COL11A1: variants seen among roughly 807,000 people sequenced by gnomAD.
COL11A1 encodes collagen alpha-1(XI) chain.
A neutral mutation model predicts 265.2 loss-of-function variants in COL11A1; 74 were observed. The observed-to-expected ratio is 0.28, with a 90% CI of 0.23 to 0.34. COL11A1 has a LOEUF of 0.34. Among genes scored for constraint, COL11A1 ranks in the 10% least tolerant of loss-of-function variants. The probability of loss-of-function intolerance (pLI) is 1.00; values close to 1 mark genes in which losing one functional copy is unlikely to be tolerated. For missense variants in COL11A1, 2,165 were observed against 2,263.6 expected (o/e 0.96, Z 0.88); for synonymous variants, 816 against 727.6 (o/e 1.12, Z -1.96).
chr1:102,957,800 T>G (rs1164880959), intron 41 of COL11A1, among the ~76,000 whole-genome samples: 1 of 152,044 alleles, frequency 6.6e-6, no homozygotes, highest in Admixed American at 6.6e-5. Flanking sequence ...GCTCTATACT[T>G]CTTCAAGCCT....
At chr1:102,882,305 C>A (rs1553192165) in intron 64 of COL11A1, among the ~76,000 whole-genome samples, 15 of 152,108 alleles carry the variant, frequency 9.9e-5, no homozygotes, top group Non-Finnish European at 1.5e-5. Flanking sequence ...TGAAGAACAG[C>A]AAAGGGTATA....
intron 4 of COL11A1, among the ~76,000 whole-genome samples, chr1:103,045,701 T>C (rs139640484): frequency 0.011 from 1,616 of 152,206 alleles, 28 homozygotes; most frequent in African/African-American, 0.037. Flanking sequence ...GTGTGCCATA[T>C]TGGTGTGCTG....
In COL11A1 at chr1:102,948,923, A is replaced by G. The variant is rs144242242; in HGVS notation, c.3169-1967T>C. Among the ~76,000 whole-genome samples, 43 of 152,150 alleles carry G rather than the reference A, an allele frequency of 2.8e-4. 1 individual carries two copies. Among genetic ancestry groups the G allele is most frequent in the African/African-American group, 1.0e-3 (42 of 41,566 alleles). On this transcript the variant is annotated intron_variant, in intron 41 of 66. Coordinates refer to ENST00000370096, the MANE Select transcript of COL11A1 (RefSeq NM_001854.4). ...AAAATGAGCAACCCTAAGAGTAAAA[A>G]GAACACAAATATTTGCCTCTAATTC...
intron 28 of COL11A1, among the ~76,000 whole-genome samples, chr1:102,993,224 G>A (rs150492872): frequency 6.6e-4 from 101 of 152,014 alleles, no homozygotes; most frequent in African/African-American, 1.6e-3. Flanking sequence ...ATTATTTTTC[G>A]TATAGGCAAC....
At chr1:103,102,404 C>T (rs965112812) in intron 1 of COL11A1, among the ~76,000 whole-genome samples, 3 of 151,910 alleles carry the variant, frequency 2.0e-5, no homozygotes, top group Non-Finnish European at 2.9e-5. Flanking sequence ...ATAACATCAG[C>T]GTTTATCTCT....
At chr1:103,061,478 G>C (rs536358769) in intron 4 of COL11A1, among the ~76,000 whole-genome samples, 2 of 151,966 alleles carry the variant, frequency 1.3e-5, no homozygotes, top group African/African-American at 4.8e-5. Context: ...CATTCCTCAA[G>C]ATATACTACA....
At chr1:103,027,672 A>G (rs890157671) in intron 5 of COL11A1, among the ~76,000 whole-genome samples, 1 of 151,902 alleles carries the variant, frequency 6.6e-6, no homozygotes, top group Admixed American at 6.6e-5. Context: ...ATGTTTTAGA[A>G]AATTGTGATC....
At chr1:103,049,671 G>C (rs561476443) in intron 4 of COL11A1, among the ~76,000 whole-genome samples, 1 of 152,292 alleles carries the variant, frequency 6.6e-6, no homozygotes, top group East Asian at 1.9e-4. Flanking sequence ...TTGCTCATTA[G>C]TTGATGCAGT....
intron 46 of COL11A1, among the ~76,000 whole-genome samples, chr1:102,926,160 A>G (rs559549657): frequency 1.3e-5 from 2 of 152,286 alleles, no homozygotes; most frequent in South Asian, 4.1e-4. Flanking sequence ...TGGAGACACA[A>G]TGAGTCAAAA....
At chr1:103,098,039 G>T (rs1317965546) in intron 1 of COL11A1, among the ~76,000 whole-genome samples, 1 of 151,874 alleles carries the variant, frequency 6.6e-6, no homozygotes, top group Non-Finnish European at 1.5e-5. Context: ...TAAAAGTACA[G>T]CATTTCTAAT....
At chr1:103,074,858 T>C in intron 3 of COL11A1, 78 bp from the exon 4 acceptor site, 1 of 1,496,044 alleles carries the variant, frequency 6.7e-7, no homozygotes, top group Non-Finnish European at 9.3e-7. Flanking sequence ...AAAAATGCTG[T>C]GTATTTTAAA....
intron 64 of COL11A1, 84 bp from the exon 65 acceptor site, chr1:102,881,849 C>T (rs1650283855): frequency 1.0e-6 from 1 of 975,680 alleles, no homozygotes; most frequent in Admixed American, 2.0e-5. Flanking sequence ...AATTCATTTT[C>T]AGTAAGACTA....
At chr1:103,062,471 T>C (rs1050559570) in intron 4 of COL11A1, among the ~76,000 whole-genome samples, 3 of 151,964 alleles carry the variant, frequency 2.0e-5, no homozygotes, top group Non-Finnish European at 2.9e-5. Context: ...ATAAAATAAG[T>C]AAATGCCATA....
At chr1:102,947,340 C>T (rs1659402191) in intron 41 of COL11A1, among the ~76,000 whole-genome samples, 11 of 152,078 alleles carry the variant, frequency 7.2e-5, no homozygotes, top group Admixed American at 7.2e-4. Flanking sequence ...TGGCAGAATA[C>T]AATCCCTAAA....
chr1:103,081,248 G>A (rs922835536), intron 2 of COL11A1, among the ~76,000 whole-genome samples: 26 of 151,726 alleles, frequency 1.7e-4, no homozygotes, highest in Non-Finnish European at 5.9e-5. Flanking sequence ...CTGAGATAAT[G>A]AGCTAAAGTA....
At chr1:102,996,115 C>T (rs908677546) in intron 26 of COL11A1, 73 bp from the exon 27 acceptor site, 15 of 1,445,076 alleles carry the variant, frequency 1.0e-5, no homozygotes, top group Admixed American at 1.7e-5. Flanking sequence ...TATAATTTTA[C>T]CAACTAATCT....
At chr1:102,965,440 TAAA>T (rs1252603481) in intron 38 of COL11A1, 44 bp downstream of exon 38, 1 of 1,542,894 alleles carries the variant, frequency 6.5e-7, no homozygotes, top group Non-Finnish European at 9.0e-7. Context: ...GGTTAAAATG[TAAA>T]CAAAAAATAA....
chr1:102,886,742 C>T, intron 63 of COL11A1, 65 bp downstream of exon 63: 4 of 1,582,546 alleles, frequency 2.5e-6, no homozygotes, highest in Non-Finnish European at 2.6e-6. Context: ...AATGAATGAG[C>T]TGCCAATGCA....
At chr1:103,065,975 G>T (rs771584474) in intron 4 of COL11A1, among the ~76,000 whole-genome samples, 3 of 151,994 alleles carry the variant, frequency 2.0e-5, no homozygotes, top group South Asian at 4.1e-4. Flanking sequence ...AAAACACAGG[G>T]ACCAGAGACA....
Sources: gnomAD v4.1 joint callset for allele counts (sites outside exome capture counted in the v4.1 genomes callset) on GRCh38, gnomAD v4.1.1 for gene constraint, MANE v1.5 for transcripts, NCBI Gene and HGNC (gene_info 2026-07-23, HGNC 2026-07-21) for gene names.